SCFD2: variants seen among roughly 807,000 people sequenced by gnomAD.
SCFD2 encodes the protein sec1 family domain-containing protein 2.
In SCFD2, 54 loss-of-function variants were observed where a neutral mutation model predicts 58.9. That is an observed-to-expected ratio of 0.92 (90% confidence interval 0.74 to 1.15). SCFD2 has a LOEUF of 1.15. Ranked by LOEUF, SCFD2 falls within the 50% of genes most tolerant of loss-of-function variation. The pLI, the probability that SCFD2 is intolerant of heterozygous loss-of-function variation, is 0.00. For missense variants in SCFD2, 805 were observed against 836.6 expected (o/e 0.96, Z 0.47); for synonymous variants, 321 against 335.9 (o/e 0.96, Z 0.49).
At position 53,215,133 on chromosome 4, in the gene SCFD2, C is replaced by T. The variant is rs1036110855; in HGVS notation, c.1311+58693G>A. On this transcript the variant is annotated intron_variant, in intron 4 of 8. Transcript: ENST00000401642. ...TTGGCTTAGGATTGACTTGGCAATG[C>T]AGGCTCTTTTTTGGTTCCATATGAA... 3.2e-4 allele frequency among the ~76,000 whole-genome samples: 49 copies of T among 152,098 alleles called. 1 individual carries two copies. Among genetic ancestry groups the T allele is most frequent in the Admixed American group, 2.6e-3 (39 of 15,280 alleles).
At chr4:52,954,431 G>A (rs1319954525) in intron 5 of SCFD2, among the ~76,000 whole-genome samples, 1 of 152,212 alleles carries the variant, frequency 6.6e-6, no homozygotes, top group East Asian at 1.9e-4. Flanking sequence ...GGAAGGTGAG[G>A]AAGTCGGGCG....
rs1553892785 is a variant in SCFD2 at position 53,254,860 on chromosome 4, A to ATTTAT, written c.1311+18961_1311+18965dup. 3.4e-3 allele frequency among the ~76,000 whole-genome samples: 162 copies of ATTTAT among 47,516 alleles called. 2 individuals are homozygous for ATTTAT. The highest frequency in any genetic ancestry group is 5.3e-3 in the Admixed American group (21 of 3,930). The allele number at this position is 47,516 out of a possible 152,430, so 31.2% of individuals were successfully genotyped here. ...ATTTTATTTTATTTTATTTTATTTT[A>ATTTAT]TTTATTTTATTTTATTTTATTTTAT... On this transcript the variant is annotated intron_variant, in intron 4 of 8. Transcript: ENST00000401642.
rs115075473 is a variant in SCFD2, at chr4:53,185,742, T to C, written c.1312-40160A>G. On this transcript the variant is annotated intron_variant, in intron 4 of 8. Transcript: ENST00000401642. The stretch of plus-strand genomic sequence containing the variant: ...TGTGATTACAATCTTTAACTAAGGC[T>C]CTCAGACTCTCTTAAACCTCTTTCT... 7.4e-3 allele frequency among the ~76,000 whole-genome samples: 1,119 copies of C among 152,180 alleles called. 7 individuals carry two copies. The highest frequency in any genetic ancestry group is 0.026 in the African/African-American group (1,063 of 41,542).
chr4:52,899,019 G>C lies in SCFD2; in HGVS notation c.1842+8438C>G, dbSNP rs182294235. Among the ~76,000 whole-genome samples the C allele has an allele frequency of 2.2e-4, 34 of 151,984 alleles. No homozygotes were observed. The East Asian group carries it at 2.7e-3, about 12-fold the overall frequency. On this transcript the variant is annotated intron_variant, in intron 7 of 8. Coordinates refer to ENST00000401642, the MANE Select transcript of SCFD2 (RefSeq NM_152540.4). ...TTTGCTTGGTAGATCTTCCTCCATC[G>C]CTTTATTTTGAGCCTATGTGTGTCT...
intron 5 of SCFD2, among the ~76,000 whole-genome samples, chr4:53,089,552 T>A (rs1724412608): frequency 6.6e-6 from 1 of 152,194 alleles, no homozygotes; most frequent in African/African-American, 2.4e-5. Context: ...GGTACAAAAG[T>A]CAAATTTCTT....
intron 4 of SCFD2, among the ~76,000 whole-genome samples, chr4:53,170,286 A>G (rs571939450): frequency 6.6e-6 from 1 of 152,312 alleles, no homozygotes; most frequent in Admixed American, 6.5e-5. Flanking sequence ...AATTGAAGAC[A>G]CCATCCTTTT....
intron 5 of SCFD2, among the ~76,000 whole-genome samples, chr4:53,068,595 T>C (rs765125603): frequency 6.6e-5 from 10 of 152,090 alleles, no homozygotes; most frequent in Non-Finnish European, 1.2e-4. Context: ...ATATTCTGCA[T>C]ATTATTTTGA....
intron 5 of SCFD2, among the ~76,000 whole-genome samples, chr4:53,140,189 C>G (rs1250536792): frequency 6.7e-6 from 1 of 149,318 alleles, no homozygotes; most frequent in Non-Finnish European, 1.5e-5. Flanking sequence ...GAGAAACACC[C>G]AAGAATGATC....
intron 4 of SCFD2, among the ~76,000 whole-genome samples, chr4:53,178,291 T>C (rs958094716): frequency 6.5e-4 from 99 of 152,256 alleles, no homozygotes; most frequent in African/African-American, 2.3e-3. Context: ...GGTACTCCTC[T>C]GAGACAAAAC....
intron 4 of SCFD2, among the ~76,000 whole-genome samples, chr4:53,195,728 G>C (rs1577828590): frequency 6.6e-6 from 1 of 152,132 alleles, no homozygotes; most frequent in South Asian, 2.1e-4. Context: ...TCAAATTATA[G>C]CTCCTGATAA....
chr4:53,183,580 C>T (rs1343810359), intron 4 of SCFD2, among the ~76,000 whole-genome samples: 1 of 151,592 alleles, frequency 6.6e-6, no homozygotes, highest in Non-Finnish European at 1.5e-5. Context: ...TGCAGCACAC[C>T]AACATGGCAC....
At chr4:52,898,119 A>AT (rs766361166) in intron 7 of SCFD2, among the ~76,000 whole-genome samples, 5 of 152,038 alleles carry the variant, frequency 3.3e-5, no homozygotes, top group South Asian at 2.1e-4. Flanking sequence ...GGATTCATTG[A>AT]TTTTTTGAAG....
At chr4:53,017,158 A>G (rs1432705746) in intron 5 of SCFD2, among the ~76,000 whole-genome samples, 2 of 152,168 alleles carry the variant, frequency 1.3e-5, no homozygotes, top group Non-Finnish European at 2.9e-5. Context: ...CATAGTAATC[A>G]TATTTGGGTG....
chr4:53,269,250 G>A (rs562315153), intron 4 of SCFD2, among the ~76,000 whole-genome samples: 33 of 152,210 alleles, frequency 2.2e-4, no homozygotes, highest in South Asian at 4.1e-4. Context: ...ACTTGAGCCC[G>A]GGATGTCGAG....
chr4:53,285,787 C>T (rs1179361635), intron 3 of SCFD2, among the ~76,000 whole-genome samples: 1 of 152,044 alleles, frequency 6.6e-6, no homozygotes, highest in East Asian at 2.0e-4. Flanking sequence ...AGGCCTCCAG[C>T]AGCCCCCACA....
At chr4:53,276,824 A>T (rs1731342479) in intron 3 of SCFD2, among the ~76,000 whole-genome samples, 1 of 152,218 alleles carries the variant, frequency 6.6e-6, no homozygotes, top group African/African-American at 2.4e-5. Flanking sequence ...CAACTTCACC[A>T]ACACTTGGTT....
At chr4:53,208,267 G>T (rs1001084601) in intron 4 of SCFD2, among the ~76,000 whole-genome samples, 1 of 151,858 alleles carries the variant, frequency 6.6e-6, no homozygotes, top group Non-Finnish European at 1.5e-5. Flanking sequence ...ACCACACCTC[G>T]CCAGGTACTT....
At chr4:53,335,540 A>G (rs2149138729) in intron 2 of SCFD2, among the ~76,000 whole-genome samples, 1 of 152,326 alleles carries the variant, frequency 6.6e-6, no homozygotes, top group East Asian at 1.9e-4. Context: ...GTAGTAATGT[A>G]TCTGTTAATT....
intron 3 of SCFD2, among the ~76,000 whole-genome samples, chr4:53,310,586 C>CAAT (rs1732660518): frequency 6.6e-6 from 1 of 152,168 alleles, no homozygotes; most frequent in South Asian, 2.1e-4. Flanking sequence ...AATACAACTG[C>CAAT]ATTTCAGTGT....
Sources: allele counts gnomAD v4.1 joint callset (sites outside exome capture counted in the v4.1 genomes callset), GRCh38; gene constraint gnomAD v4.1.1; transcripts MANE v1.5; gene names NCBI Gene and HGNC (gene_info 2026-07-23, HGNC 2026-07-21).